Variants in RAPGEF5 observed in about 807,000 individuals in gnomAD.
RAPGEF5 encodes the protein M-Ras-regulated GEF.
In RAPGEF5, 65 loss-of-function variants were observed where a neutral mutation model predicts 125.2. The ratio of observed to expected loss-of-function variants is 0.52; its 90% CI spans 0.43 to 0.64. The LOEUF (loss-of-function observed/expected upper bound fraction) is 0.64, where lower values mean the gene tolerates loss of function less well. RAPGEF5 is among the 30% of genes least tolerant of loss of function. The probability of loss-of-function intolerance (pLI) is 0.00; values close to 1 mark genes in which losing one functional copy is unlikely to be tolerated. For synonymous variants in RAPGEF5, 391 were observed against 385.9 expected, an observed-to-expected ratio of 1.01 and a Z score of -0.16; for missense variants, 958 against 1,048.1, an observed-to-expected ratio of 0.91 and a Z score of 1.19.
At chr7:22,217,083 G>C (rs1214279443) in intron 9 of RAPGEF5, among the ~76,000 whole-genome samples, 1 of 152,240 alleles carries the variant, frequency 6.6e-6, no homozygotes, top group Non-Finnish European at 1.5e-5. Context: ...ATGAAGGTTA[G>C]TCAAAAGAAT....
chr7:22,182,686 G>A (rs1310526654), intron 11 of RAPGEF5, among the ~76,000 whole-genome samples: 1 of 151,948 alleles, frequency 6.6e-6, no homozygotes, highest in African/African-American at 2.4e-5. Context: ...AACTGAACTG[G>A]GAAATGATGC....
intron 1 of RAPGEF5, among the ~76,000 whole-genome samples, chr7:22,341,855 G>GGTGT (rs1784135169): frequency 6.6e-6 from 1 of 152,216 alleles, no homozygotes; most frequent in Non-Finnish European, 1.5e-5. Context: ...TTCACAGGCT[G>GGTGT]GTGTTGAATG....
intron 7 of RAPGEF5, among the ~76,000 whole-genome samples, chr7:22,261,271 G>A (rs1203298766): frequency 2.0e-5 from 3 of 151,816 alleles, no homozygotes; most frequent in East Asian, 1.9e-4. Context: ...ATGTACAACC[G>A]AGAATTAAAC....
intron 1 of RAPGEF5, among the ~76,000 whole-genome samples, chr7:22,332,664 C>T (rs1013617863): frequency 6.6e-6 from 1 of 152,204 alleles, no homozygotes; most frequent in Non-Finnish European, 1.5e-5. Flanking sequence ...GAAAGCTTTC[C>T]AGTTATAAAT....
At chr7:22,241,087 T>A (rs1270642611) in intron 7 of RAPGEF5, among the ~76,000 whole-genome samples, 2 of 152,242 alleles carry the variant, frequency 1.3e-5, no homozygotes, top group African/African-American at 4.8e-5. Flanking sequence ...GATTTGCTTT[T>A]CACAGCTACT....
chr7:22,217,817 A>T (rs1785676637), intron 9 of RAPGEF5, among the ~76,000 whole-genome samples: 1 of 152,228 alleles, frequency 6.6e-6, no homozygotes, highest in Non-Finnish European at 1.5e-5. Context: ...GTCACGCAAG[A>T]AGTAAAAAAT....
rs920077272 is a variant in RAPGEF5 at position 22,176,883 on chromosome 7, T to C, written c.1205-9735A>G. 1.1e-4 allele frequency among the ~76,000 whole-genome samples: 17 copies of C among 152,192 alleles called. 1 individual carries two copies. The highest frequency in any genetic ancestry group is 9.8e-4 in the Admixed American group (15 of 15,268). Reference sequence around the variant, plus strand: ...CACAGGATCTTACATTTACTGACAATTTTCAACACAAGAAAATTTACTTTA... The same window carrying C: ...CACAGGATCTTACATTTACTGACAACTTTCAACACAAGAAAATTTACTTTA... On this transcript the variant is annotated intron_variant, in intron 11 of 25. Coordinates refer to ENST00000665637, the MANE Select transcript of RAPGEF5 (RefSeq NM_012294.5).
chr7:22,258,570 G>C (rs1782061817), intron 7 of RAPGEF5, among the ~76,000 whole-genome samples: 1 of 139,714 alleles, frequency 7.2e-6, no homozygotes, highest in African/African-American at 2.7e-5. Flanking sequence ...GTTGTGGTGA[G>C]CCAAGATCGC....
At chr7:22,229,443 G>C (rs1786004963) in intron 8 of RAPGEF5, among the ~76,000 whole-genome samples, 1 of 152,200 alleles carries the variant, frequency 6.6e-6, no homozygotes, top group African/African-American at 2.4e-5. Flanking sequence ...ATATGCTCTG[G>C]AATGAAGACT....
chr7:22,282,267 T>A (rs1355898296), intron 6 of RAPGEF5, among the ~76,000 whole-genome samples: 1 of 152,176 alleles, frequency 6.6e-6, no homozygotes, highest in Non-Finnish European at 1.5e-5. Flanking sequence ...GTATTTTTTT[T>A]CCTCTGAATT....
intron 7 of RAPGEF5, among the ~76,000 whole-genome samples, chr7:22,240,761 T>G (rs1001351745): frequency 2.6e-5 from 4 of 152,158 alleles, no homozygotes; most frequent in African/African-American, 7.2e-5. Flanking sequence ...CAGTAAAATA[T>G]TGAGCAGCAA....
rs1458733210 is a variant in RAPGEF5, at chr7:22,160,541, C to A, written c.1503G>T (p.Lys501Asn). Residue 501 changes from lysine to asparagine, a missense_variant, in exon 14 of 26, where the codon AAG (lysine) becomes AAT (asparagine). Physicochemically the swap from Lys to Asn is moderately conservative, Grantham distance 94 (BLOSUM62 0). Transcript: ENST00000665637. Reference protein sequence around the residue: ...ILEKELKEFQKILGMHRRHTV... With the variant: ...ILEKELKEFQNILGMHRRHTV... Reference sequence around the variant, plus strand: ...ACTGACGACGGTGCATTCCAAGTATCTTTTGAAATTCTTTCAATTCTTTTT... The same window carrying A: ...ACTGACGACGGTGCATTCCAAGTATATTTTGAAATTCTTTCAATTCTTTTT... 5 of 1,548,290 alleles carry A rather than the reference C, an allele frequency of 3.2e-6. No homozygotes were observed. The highest frequency in any genetic ancestry group is 4.4e-6 in the Non-Finnish European group (5 of 1,146,240).
intron 11 of RAPGEF5, among the ~76,000 whole-genome samples, chr7:22,172,032 A>C (rs1784366005): frequency 6.6e-6 from 1 of 152,192 alleles, no homozygotes; most frequent in Non-Finnish European, 1.5e-5. Context: ...TTGAAATAAA[A>C]TATATATAGA....
chr7:22,245,144 T>C (rs973594228), intron 7 of RAPGEF5, among the ~76,000 whole-genome samples: 2 of 152,234 alleles, frequency 1.3e-5, no homozygotes, highest in Non-Finnish European at 2.9e-5. Flanking sequence ...TTAAGTTCTT[T>C]GGCCATTTTA....
At chr7:22,189,302 G>A (rs1045755674) in intron 11 of RAPGEF5, among the ~76,000 whole-genome samples, 3 of 152,058 alleles carry the variant, frequency 2.0e-5, no homozygotes, top group African/African-American at 7.2e-5. Flanking sequence ...CAGTAAGAAG[G>A]GGTTTCTCCA....
At chr7:22,176,106 G>C (rs1250471133) in intron 11 of RAPGEF5, among the ~76,000 whole-genome samples, 2 of 152,152 alleles carry the variant, frequency 1.3e-5, no homozygotes, top group African/African-American at 4.8e-5. Context: ...AAGAGCAAAG[G>C]CATGTCTTAC....
At chr7:22,162,018 T>C (rs192304138) in intron 13 of RAPGEF5, among the ~76,000 whole-genome samples, 108 of 152,372 alleles carry the variant, frequency 7.1e-4, no homozygotes, top group Admixed American at 2.2e-3. Context: ...AAGTATACCA[T>C]GTCTGACAAA....
At chr7:22,252,505 G>A (rs1428806713) in intron 7 of RAPGEF5, among the ~76,000 whole-genome samples, 1 of 152,122 alleles carries the variant, frequency 6.6e-6, no homozygotes. Context: ...CTATCTTAAT[G>A]GGCATGACCA....
At chr7:22,168,853 T>A (rs1481619388) in intron 11 of RAPGEF5, among the ~76,000 whole-genome samples, 3 of 152,226 alleles carry the variant, frequency 2.0e-5, no homozygotes, top group Non-Finnish European at 4.4e-5. Flanking sequence ...AAGATGCCTG[T>A]AATTAAAATG....
Sources: gnomAD v4.1 joint callset for allele counts (sites outside exome capture counted in the v4.1 genomes callset) on GRCh38, gnomAD v4.1.1 for gene constraint, MANE v1.5 for transcripts, NCBI Gene and HGNC (gene_info 2026-07-23, HGNC 2026-07-21) for gene names.